GRIP1: variants seen among roughly 807,000 people sequenced by gnomAD.
GRIP1 encodes the protein glutamate receptor-interacting protein 1.
Under a neutral mutation model 129.9 loss-of-function variants are expected in GRIP1, and 45 were observed. The ratio of observed to expected loss-of-function variants is 0.35; its 90% CI spans 0.27 to 0.44. The LOEUF is 0.44. Among genes scored for constraint, GRIP1 ranks in the 20% least tolerant of loss-of-function variants. GRIP1 has a pLI of 1.00. For missense variants in GRIP1, 1,196 were observed against 1,396.8 expected, an observed-to-expected ratio of 0.86 and a Z score of 2.29; for synonymous variants, 530 against 520.8, an observed-to-expected ratio of 1.02 and a Z score of -0.24.
intron 23 of GRIP1, among the ~76,000 whole-genome samples, chr12:66,355,541 C>A (rs1235835810): frequency 6.6e-6 from 1 of 152,118 alleles, no homozygotes; most frequent in Non-Finnish European, 1.5e-5. Flanking sequence ...CCTAGTGACA[C>A]CAGCACCCCC....
upstream of GRIP1, among the ~76,000 whole-genome samples, chr12:66,683,353 A>C (rs920821407): frequency 1.3e-5 from 2 of 152,090 alleles, no homozygotes; most frequent in Admixed American, 1.3e-4. Context: ...CAGACAAGGG[A>C]GATGTACACT....
intron 1 of GRIP1, among the ~76,000 whole-genome samples, chr12:66,758,279 C>G (rs2037361274): frequency 6.6e-6 from 1 of 152,088 alleles, no homozygotes; most frequent in Admixed American, 6.6e-5. Flanking sequence ...AAATGAGGAA[C>G]AAACAAAAGC....
chr12:66,984,751 T>A (rs1432546222), intron 1 of GRIP1, among the ~76,000 whole-genome samples: 2 of 152,232 alleles, frequency 1.3e-5, no homozygotes, highest in African/African-American at 2.4e-5. Flanking sequence ...TCTTCTCTAG[T>A]GTGCTCAGTC....
chr12:66,928,333 T>C (rs1368245327), intron 1 of GRIP1, among the ~76,000 whole-genome samples: 1 of 152,232 alleles, frequency 6.6e-6, no homozygotes, highest in Admixed American at 6.5e-5. Flanking sequence ...TCTGTGATTA[T>C]TGTTGGGAAA....
chr12:66,681,857 G>A (rs2034595953), upstream of GRIP1, among the ~76,000 whole-genome samples: 1 of 152,022 alleles, frequency 6.6e-6, no homozygotes, highest in South Asian at 2.1e-4. Context: ...TTATTTCAGG[G>A]TTTCTTTAAA....
At chr12:66,450,836 A>G (rs1388232740) in intron 11 of GRIP1, among the ~76,000 whole-genome samples, 1 of 152,224 alleles carries the variant, frequency 6.6e-6, no homozygotes, top group African/African-American at 2.4e-5. Context: ...ATCAAAAGAA[A>G]AAAACAATCA....
chr12:66,538,161 C>A (rs971575292), intron 4 of GRIP1, among the ~76,000 whole-genome samples: 1 of 151,840 alleles, frequency 6.6e-6, no homozygotes, highest in East Asian at 1.9e-4. Flanking sequence ...ACTTTGCAGC[C>A]ATCTTTGGTA....
At chr12:66,795,343 C>T (rs1433138266) in intron 1 of GRIP1, among the ~76,000 whole-genome samples, 1 of 152,150 alleles carries the variant, frequency 6.6e-6, no homozygotes. Flanking sequence ...TTATTTTCTG[C>T]ACCTGAAAAT....
intron 1 of GRIP1, among the ~76,000 whole-genome samples, chr12:66,872,015 T>C (rs1375379710): frequency 1.3e-5 from 2 of 152,046 alleles, no homozygotes; most frequent in Non-Finnish European, 2.9e-5. Flanking sequence ...ACTGTCAAGT[T>C]TTCAAGGTAC....
chr12:66,752,256 T>G (rs1026423370), intron 1 of GRIP1, among the ~76,000 whole-genome samples: 6 of 152,152 alleles, frequency 3.9e-5, no homozygotes, highest in African/African-American at 1.4e-4. Flanking sequence ...AGTGCACTGG[T>G]TGGGGTGTCA....
chr12:66,573,779 G>A (rs1401725818), intron 2 of GRIP1, among the ~76,000 whole-genome samples: 1 of 152,158 alleles, frequency 6.6e-6, no homozygotes, highest in African/African-American at 2.4e-5. Flanking sequence ...AAGCTGTGCT[G>A]GACACACATG....
At chr12:66,743,128 C>T (rs2036840080) in intron 1 of GRIP1, among the ~76,000 whole-genome samples, 1 of 152,130 alleles carries the variant, frequency 6.6e-6, no homozygotes, top group Non-Finnish European at 1.5e-5. Context: ...AGCTAGAATG[C>T]AAGGACTGCA....
intron 1 of GRIP1, among the ~76,000 whole-genome samples, chr12:66,869,207 C>T (rs574694890): frequency 2.0e-4 from 30 of 152,004 alleles, no homozygotes; most frequent in African/African-American, 7.0e-4. Flanking sequence ...TTAATAGGTA[C>T]TCAATATTTC....
chr12:66,885,428 CA>C (rs950706511), intron 1 of GRIP1, among the ~76,000 whole-genome samples: 1 of 151,744 alleles, frequency 6.6e-6, no homozygotes, highest in Non-Finnish European at 1.5e-5. Flanking sequence ...TGGTCTGAGA[CA>C]AAAAAAATCT....
At position 66,764,127 on chromosome 12, in the gene GRIP1, A is replaced by G. The variant is rs567923315; in HGVS notation, c.-420+39926T>C. On this transcript the variant is annotated intron_variant, in intron 1 of 4. Transcript: ENST00000538373. ...CTGTCCAAATCAAAACTAGATATAAACAATCATTTGGAAAAATAGGTTCCA... is the reference window on the plus strand; with the variant it reads ...CTGTCCAAATCAAAACTAGATATAAGCAATCATTTGGAAAAATAGGTTCCA... 2.0e-5 allele frequency among the ~76,000 whole-genome samples: 3 copies of G among 152,324 alleles called. No individual in the cohort carries two copies. The South Asian group carries it at 6.2e-4, about 32-fold the overall frequency.
At chr12:66,425,676 C>T (rs1385555221) in intron 14 of GRIP1, among the ~76,000 whole-genome samples, 2 of 152,118 alleles carry the variant, frequency 1.3e-5, no homozygotes, top group East Asian at 1.9e-4. Flanking sequence ...TTTGTAGGGA[C>T]ATGGATGAAG....
At chr12:66,498,246 C>T (rs2060292775) in intron 7 of GRIP1, among the ~76,000 whole-genome samples, 1 of 152,126 alleles carries the variant, frequency 6.6e-6, no homozygotes, top group Non-Finnish European at 1.5e-5. Context: ...GCTTGGGTGT[C>T]AGTGGAGTGG....
At chr12:66,383,943 A>G (rs902438654) in intron 19 of GRIP1, among the ~76,000 whole-genome samples, 1 of 152,228 alleles carries the variant, frequency 6.6e-6, no homozygotes, top group Non-Finnish European at 1.5e-5. Flanking sequence ...CTGGAGCCCC[A>G]GTAACTGTCT....
intron 1 of GRIP1, among the ~76,000 whole-genome samples, chr12:66,946,747 T>G (rs1449880919): frequency 7.5e-5 from 5 of 66,698 alleles, no homozygotes; most frequent in Admixed American, 2.2e-4. Context: ...ATTCCAGCAC[T>G]TTGGGAGGCA....
Sources: allele counts gnomAD v4.1 joint callset (sites outside exome capture counted in the v4.1 genomes callset), GRCh38; gene constraint gnomAD v4.1.1; transcripts MANE v1.5; gene names NCBI Gene and HGNC (gene_info 2026-07-23, HGNC 2026-07-21).